Variants in OR2L13 observed in about 807,000 individuals in gnomAD.
OR2L13 encodes olfactory receptor family 2 subfamily L member 13, also known as olfactory receptor 2L13.
OR2L13 carries 14 observed loss-of-function variants against 15.3 expected under a neutral mutation model. The observed-to-expected ratio is 0.91, with a 90% CI of 0.60 to 1.43. The LOEUF is 1.43. OR2L13 is among the 40% of genes most tolerant of loss of function. The pLI, the probability that OR2L13 is intolerant of heterozygous loss-of-function variation, is 0.00. For synonymous variants in OR2L13, 152 were observed against 142.9 expected, an observed-to-expected ratio of 1.06 and a Z score of -0.45; for missense variants, 367 against 387.9, an observed-to-expected ratio of 0.95 and a Z score of 0.45.
At chr1:247,998,430 G>A in the OR2L13 span, among the ~76,000 whole-genome samples, 2 of 151,992 alleles carry the variant, frequency 1.3e-5, no homozygotes, top group African/African-American at 4.8e-5. Flanking sequence ...TACTTGGTTG[G>A]TGTTTTGTTT....
At chr1:247,971,873 A>G in the OR2L13 span, among the ~76,000 whole-genome samples, 37 of 152,292 alleles carry the variant, frequency 2.4e-4, no homozygotes, top group East Asian at 6.2e-3. Context: ...TTGGAAGTCA[A>G]ACACTCCTCA....
At chr1:248,077,075 C>G in the OR2L13 span, among the ~76,000 whole-genome samples, 1 of 152,006 alleles carries the variant, frequency 6.6e-6, no homozygotes, top group East Asian at 1.9e-4. Context: ...TTGTCAAAGG[C>G]CTTTTCTGCA....
At chr1:248,074,671 CTA>C in the OR2L13 span, among the ~76,000 whole-genome samples, 1 of 152,084 alleles carries the variant, frequency 6.6e-6, no homozygotes, top group Non-Finnish European at 1.5e-5. Flanking sequence ...ACACTGAAGA[CTA>C]CTAAAGAGGT....
the OR2L13 span, among the ~76,000 whole-genome samples, chr1:247,994,892 C>T: frequency 2.0e-5 from 3 of 151,314 alleles, no homozygotes; most frequent in African/African-American, 7.4e-5. Context: ...TTAATAAAAT[C>T]AACACTCAAT....
At chr1:248,099,526 G>T (rs1664802973) in exon 3 of OR2L13, 1 of 1,613,944 alleles carries the variant, frequency 6.2e-7, no homozygotes, top group Non-Finnish European at 8.5e-7. Context: ...CATCCACGTG[G>T]ATCCTCGTCT....
At chr1:247,986,170 A>G in the OR2L13 span, among the ~76,000 whole-genome samples, 18 of 147,180 alleles carry the variant, frequency 1.2e-4, no homozygotes, top group Non-Finnish European at 2.1e-4. Context: ...TGTTTTAGAC[A>G]TGAAGTCCTT....
chr1:247,976,365 G>T, the OR2L13 span, among the ~76,000 whole-genome samples: 1 of 152,112 alleles, frequency 6.6e-6, no homozygotes, highest in Non-Finnish European at 1.5e-5. Context: ...CATCTATACA[G>T]CTTGGGTTGG....
At chr1:247,944,657 CA>C in the OR2L13 span, among the ~76,000 whole-genome samples, 1 of 152,176 alleles carries the variant, frequency 6.6e-6, no homozygotes, top group Admixed American at 6.5e-5. Context: ...TGTATGGCTG[CA>C]TAGTATTCCA....
chr1:248,100,024 T>C, exon 3 of OR2L13: 1 of 1,614,190 alleles, frequency 6.2e-7, no homozygotes, highest in East Asian at 2.2e-5. Context: ...CACTTCTTCC[T>C]GTGGCCGAGT....
At chr1:248,079,718 G>C in the OR2L13 span, among the ~76,000 whole-genome samples, 2 of 152,088 alleles carry the variant, frequency 1.3e-5, no homozygotes, top group Non-Finnish European at 2.9e-5. Context: ...ATGATGCTGG[G>C]TCAGTTTGTA....
chr1:248,084,686 T>G, the OR2L13 span: 2 of 1,497,452 alleles, frequency 1.3e-6, no homozygotes, highest in Non-Finnish European at 1.8e-6. Context: ...CCTCTTTTTT[T>G]TCATAGAAAA....
At chr1:248,090,900 C>A (rs1470905872), upstream of OR2L13, among the ~76,000 whole-genome samples, 1 of 152,162 alleles carries the variant, frequency 6.6e-6, no homozygotes, top group Admixed American at 6.6e-5. Context: ...TACATTTGCA[C>A]CAGTAGTGTA....
chr1:247,997,209 A>G, the OR2L13 span: 2 of 152,210 alleles, frequency 1.3e-5, no homozygotes, highest in Non-Finnish European at 2.9e-5. Flanking sequence ...AATTAAAATG[A>G]ACTAATACCT....
At chr1:248,084,945 C>T in the OR2L13 span, among the ~76,000 whole-genome samples, 13 of 152,164 alleles carry the variant, frequency 8.5e-5, no homozygotes, top group Admixed American at 2.0e-4. Context: ...ACTACTTACT[C>T]ATTATAGTTA....
the OR2L13 span, chr1:248,084,249 A>G: frequency 6.2e-7 from 1 of 1,611,788 alleles, no homozygotes; most frequent in Non-Finnish European, 8.5e-7. Context: ...GTCATAGGCC[A>G]TGGCTGCTAA....
At chr1:248,099,747 C>T (rs1664812662) in exon 3 of OR2L13, 1 of 1,613,978 alleles carries the variant, frequency 6.2e-7, no homozygotes, top group Non-Finnish European at 8.5e-7. Flanking sequence ...GTTATTTGGC[C>T]ATCTGCCACT....
At chr1:248,060,700 A>T in the OR2L13 span, 1 of 1,613,196 alleles carries the variant, frequency 6.2e-7, no homozygotes, top group Non-Finnish European at 8.5e-7. Flanking sequence ...TTACAATCAA[A>T]CATCAACTGA....
chr1:248,082,109 T>G, the OR2L13 span, among the ~76,000 whole-genome samples: 1 of 148,146 alleles, frequency 6.8e-6, no homozygotes, highest in African/African-American at 2.6e-5. Context: ...CCAACAATGA[T>G]AGACTGGATT....
At chr1:247,977,630 A>G in the OR2L13 span, among the ~76,000 whole-genome samples, 3 of 152,240 alleles carry the variant, frequency 2.0e-5, no homozygotes, top group Non-Finnish European at 4.4e-5. Context: ...CTAAGCATGA[A>G]CCAGCTCGCC....
Sources: allele counts gnomAD v4.1 joint callset (sites outside exome capture counted in the v4.1 genomes callset), GRCh38; gene constraint gnomAD v4.1.1; transcripts MANE v1.5; gene names NCBI Gene and HGNC (gene_info 2026-07-23, HGNC 2026-07-21).